The following DENND2B variants were observed in gnomAD, a reference collection of about 807,000 sequenced individuals.
DENND2B encodes the protein DENN domain-containing protein 2B.
DENND2B carries 32 observed loss-of-function variants against 116.0 expected under a neutral mutation model. The ratio of observed to expected loss-of-function variants is 0.28; its 90% CI spans 0.21 to 0.37. The LOEUF is 0.37. Among genes scored for constraint, DENND2B ranks in the 10% least tolerant of loss-of-function variants. The pLI is 1.00. For missense variants in DENND2B, 1,276 were observed against 1,477.7 expected (o/e 0.86, Z 2.24); for synonymous variants, 588 against 583.9 (o/e 1.01, Z -0.10).
intron 1 of DENND2B, among the ~76,000 whole-genome samples, chr11:8,751,507 G>A (rs2052480647): frequency 6.6e-6 from 1 of 152,098 alleles, no homozygotes; most frequent in African/African-American, 2.4e-5. Flanking sequence ...CTGCCTTTAT[G>A]AGCTGTAACA....
At chr11:8,833,293 AAG>A (rs1444076099) in intron 4 of DENND2B, among the ~76,000 whole-genome samples, 1 of 152,238 alleles carries the variant, frequency 6.6e-6, no homozygotes, top group African/African-American at 2.4e-5. Context: ...AGAACACAGA[AAG>A]AGTTATTAAA....
chr11:8,764,230 CAAAAG>C (rs747917106), intron 1 of DENND2B, among the ~76,000 whole-genome samples: 42 of 146,826 alleles, frequency 2.9e-4, no homozygotes, highest in East Asian at 2.6e-3. Context: ...AAAAAAAAAA[CAAAAG>C]AAAAGAAAAG....
chr11:8,721,303 A>C, intron 4 of DENND2B, among the ~76,000 whole-genome samples: 1 of 138,508 alleles, frequency 7.2e-6, no homozygotes, highest in Admixed American at 7.5e-5. Context: ...ACTCCTCTCC[A>C]CAACCTTTCA....
At chr11:8,741,133 C>G (rs1029868421) in intron 2 of DENND2B, among the ~76,000 whole-genome samples, 1 of 152,230 alleles carries the variant, frequency 6.6e-6, no homozygotes, top group Non-Finnish European at 1.5e-5. Flanking sequence ...GGGGCTATAT[C>G]TAGGCCACCA....
At position 8,891,216 on chromosome 11, in the gene DENND2B, GC is replaced by G. The variant is rs2064028261; in HGVS notation, c.-255-10108del. On this transcript the variant is annotated intron_variant, in intron 1 of 22. Coordinates refer to the DENND2B transcript ENST00000534127. ...AAGACATTTTGTCACCACCAGGCCT[GC>G]CCTACAAGAGCTCCTGAAGGAAGCA... is the stretch of plus-strand genomic sequence containing the variant. Among the ~76,000 whole-genome samples the G allele has an allele frequency of 2.6e-5, 4 of 152,168 alleles. No individual in the cohort carries two copies. The South Asian group carries it at 8.3e-4, about 31-fold the overall frequency.
At chr11:8,764,702 C>T (rs1215788458) in intron 1 of DENND2B, among the ~76,000 whole-genome samples, 1 of 152,092 alleles carries the variant, frequency 6.6e-6, no homozygotes, top group Non-Finnish European at 1.5e-5. Flanking sequence ...GGCATGGTGG[C>T]TCACGCCTGT....
At chr11:8,887,002 A>G (rs2063968348) in intron 1 of DENND2B, among the ~76,000 whole-genome samples, 1 of 151,978 alleles carries the variant, frequency 6.6e-6, no homozygotes. Context: ...CTAATTTTGT[A>G]TTTTTAGTAG....
rs181306538 is a variant in DENND2B, at chr11:8,798,230, G to A, written c.-26+12287C>T. On this transcript the variant is annotated intron_variant, in intron 1 of 19. Transcript: ENST00000313726. The stretch of plus-strand genomic sequence containing the variant: ...ATGTCTTAGTTATCTCTACCTCCTC[G>A]GCATACAGAACAAAACCTAGAACAG... Among the ~76,000 whole-genome samples, 638 of 152,184 alleles carry A rather than the reference G, an allele frequency of 4.2e-3. 4 individuals carry two copies. The highest frequency in any genetic ancestry group is 0.024 in the Middle Eastern group (7 of 292).
chr11:8,738,377 G>A (rs183549840), intron 2 of DENND2B, among the ~76,000 whole-genome samples: 16 of 152,072 alleles, frequency 1.1e-4, no homozygotes, highest in Admixed American at 7.9e-4. Context: ...CTTCTTCCTC[G>A]TCCAGACCTC....
At chr11:8,823,360 G>A (rs560021652) in intron 4 of DENND2B, among the ~76,000 whole-genome samples, 2 of 152,252 alleles carry the variant, frequency 1.3e-5, no homozygotes, top group African/African-American at 4.8e-5. Context: ...CCAGGAAGAG[G>A]AGCTCTGGAA....
At chr11:8,877,547 A>C (rs553895921) in intron 2 of DENND2B, 1 of 152,326 alleles carries the variant, frequency 6.6e-6, no homozygotes, top group Admixed American at 6.5e-5. Context: ...GGAAGAAATT[A>C]AAGTCTAAAA....
In DENND2B at chr11:8,753,818, T is replaced by C. The variant is rs569171355; in HGVS notation, c.-25-3093A>G. On this transcript the variant is annotated intron_variant, in intron 1 of 19. Transcript: ENST00000313726. ...AATTCATGGGGAAAGAAGAGTCTTT[T>C]CAACAAACTGTGCTGAGAAAACTGG... 2.0e-5 allele frequency among the ~76,000 whole-genome samples: 3 copies of C among 152,232 alleles called. No individual in the cohort carries two copies. The South Asian group carries it at 6.2e-4, about 32-fold the overall frequency.
intron 3 of DENND2B, among the ~76,000 whole-genome samples, chr11:8,840,077 C>A (rs1011280908): frequency 6.6e-6 from 1 of 152,050 alleles, no homozygotes. Flanking sequence ...TCCCTGGAAG[C>A]AGGGAAATCC....
chr11:8,783,952 G>C (rs1202912652), intron 1 of DENND2B: 1 of 152,224 alleles, frequency 6.6e-6, no homozygotes. Flanking sequence ...GAAGAGCAGA[G>C]AGTACAGACA....
At chr11:8,895,260 G>T (rs986136278) in intron 1 of DENND2B, among the ~76,000 whole-genome samples, 2 of 152,060 alleles carry the variant, frequency 1.3e-5, no homozygotes, top group African/African-American at 4.8e-5. Context: ...GGGGTAGGGG[G>T]GTGGGAGGGA....
intron 3 of DENND2B, among the ~76,000 whole-genome samples, chr11:8,855,596 C>G (rs1031186930): frequency 1.3e-5 from 2 of 151,896 alleles, no homozygotes; most frequent in Admixed American, 6.6e-5. Flanking sequence ...TGTATCCACA[C>G]AGTAGGCAAA....
intron 1 of DENND2B, among the ~76,000 whole-genome samples, chr11:8,909,209 A>G (rs1373774143): frequency 6.6e-6 from 1 of 152,140 alleles, no homozygotes; most frequent in Non-Finnish European, 1.5e-5. Context: ...AGCCTGGGCA[A>G]CATAGGGAGA....
At chr11:8,750,554 T>C in intron 2 of DENND2B, 67 bp downstream of exon 2, 2 of 1,362,530 alleles carry the variant, frequency 1.5e-6, no homozygotes, top group East Asian at 2.3e-5. Context: ...CTATTTACAT[T>C]TTGGAGGGAT....
rs555179960 is a variant in DENND2B, at chr11:8,848,989, T to G, written c.-156+8354A>C. Among the ~76,000 whole-genome samples the G allele has an allele frequency of 3.9e-5, 6 of 152,236 alleles. No individual in the cohort carries two copies. The East Asian group carries it at 9.6e-4, about 24-fold the overall frequency. On this transcript the variant is annotated intron_variant, in intron 3 of 6. Transcript: ENST00000524757. ...GCTAAATCACAGGTACTGCCATTAC[T>G]GCTGTTTTATTGCCTATATTCATAA... is the stretch of plus-strand genomic sequence containing the variant.
Sources: allele counts gnomAD v4.1 joint callset (sites outside exome capture counted in the v4.1 genomes callset), GRCh38; gene constraint gnomAD v4.1.1; transcripts MANE v1.5; gene names NCBI Gene and HGNC (gene_info 2026-07-23, HGNC 2026-07-21).